Variants in TREH observed in about 807,000 individuals in gnomAD.
The protein encoded by TREH is trehalase.
A neutral mutation model predicts 80.5 loss-of-function variants in TREH; 69 were observed. That is an observed-to-expected ratio of 0.86 (90% CI 0.71 to 1.05). The LOEUF (loss-of-function observed/expected upper bound fraction) is 1.05, where lower values mean the gene tolerates loss of function less well. Ranked by LOEUF, TREH falls within the 50% of genes least tolerant of loss-of-function variation. The pLI is 0.00. For synonymous variants in TREH, 309 were observed against 293.5 expected, an observed-to-expected ratio of 1.05 and a Z score of -0.54; for missense variants, 716 against 718.8, an observed-to-expected ratio of 1.00 and a Z score of 0.04.
Position 118,672,269 on chromosome 11 carries a change from G to A in TREH, c.89+7270C>T, listed in dbSNP as rs555331505. 1.1e-3 allele frequency among the ~76,000 whole-genome samples: 166 copies of A among 152,096 alleles called. No individual in the cohort carries two copies. In the Middle Eastern group the frequency reaches 0.014, roughly 12 times the overall value. ...AAAAATTAGCCGGGTGTGGTGGCAC[G>A]CACTTGTAGTCCCAGGTACTGAGGA... On this transcript the variant is annotated intron_variant, in intron 1 of 14. Transcript: ENST00000264029.
At position 118,661,960 on chromosome 11, in the gene TREH, G is replaced by A. The variant is rs782513341; in HGVS notation, c.454C>T (p.Arg152Trp). 3.3e-5 allele frequency: 52 copies of A among 1,554,244 alleles called. No homozygotes were observed. The highest frequency in any genetic ancestry group is 3.3e-4 in the Middle Eastern group (2 of 6,016). Residue 152 changes from arginine (R) to tryptophan (W), a missense_variant, in exon 5 of 15, where the codon CGG becomes TGG. Arg to Trp is a moderately radical substitution (Grantham distance 101). Transcript: ENST00000264029. This position sits in a 1 kb window ranked among gnomAD's most constrained non-coding sequence, Gnocchi z 4.2. The stretch of plus-strand genomic sequence containing the variant: ...TGTTCTGAGTAGATGAGAGAGAACC[G>A]CTCAGGGTGGCTGAGAACCTCTGGC... ...MKPEVLSHPE[R>W]FSLIYSEHPF...
At position 118,660,846 on chromosome 11, in the gene TREH, C is replaced by T. The variant is rs782459761; in HGVS notation, c.907+20G>A. ...GCAGCTGCCCTGCCCCCAGCCCTCC[C>T]TCACCCTCCTGCTGCTCACCTTCTG... is the stretch of plus-strand genomic sequence containing the variant. On this transcript the variant is annotated intron_variant, in intron 9 of 14. Transcript: ENST00000264029. 32 of 1,561,178 alleles carry T rather than the reference C, an allele frequency of 2.0e-5. 2 individuals carry two copies. In the South Asian group the frequency reaches 3.5e-4, roughly 17 times the overall value.
At chr11:118,677,665 C>A (rs1191052215) in intron 1 of TREH, among the ~76,000 whole-genome samples, 1 of 152,136 alleles carries the variant, frequency 6.6e-6, no homozygotes, top group Admixed American at 6.5e-5. Context: ...GTGGAGGTTG[C>A]AGCGAGCCGA....
intron 1 of TREH, among the ~76,000 whole-genome samples, chr11:118,666,813 C>T (rs577101944): frequency 2.0e-4 from 30 of 152,300 alleles, no homozygotes; most frequent in Middle Eastern, 3.4e-3. Flanking sequence ...TGCACAAATG[C>T]AGATCACCCT....
chr11:118,667,961 T>G (rs1949393675), intron 1 of TREH, among the ~76,000 whole-genome samples: 1 of 152,030 alleles, frequency 6.6e-6, no homozygotes, highest in Non-Finnish European at 1.5e-5. Context: ...ACCTCCCTGG[T>G]TCAAGCAATT....
rs200074060 is a variant in TREH, at chr11:118,658,926, C to A, written c.1524G>T (p.Gln508His). The A allele has an allele frequency of 1.2e-3, 1,939 of 1,613,866 alleles. 3 individuals are homozygous for A. The highest frequency in any genetic ancestry group is 1.6e-3 in the Non-Finnish European group (1,875 of 1,179,880). ...WIRTNFDVYS[Q>H]KSAMYEKYDV... ...TCACCTTCTCATACATGGCTGACTT[C>A]TGCGAGTAGACATCAAAATTGGTTC... Residue 508 changes from glutamine (Q) to histidine (H), a missense_variant, in exon 13 of 15, where the codon CAG (glutamine) becomes CAT (histidine). Transcript: ENST00000264029.
chr11:118,674,426 T>G lies in TREH; in HGVS notation c.89+5113A>C, dbSNP rs964454799. Among the ~76,000 whole-genome samples the G allele has an allele frequency of 1.1e-4, 16 of 152,364 alleles. No homozygotes were observed. Among genetic ancestry groups the G allele is most frequent in the African/African-American group, 3.8e-4 (16 of 41,598 alleles). On this transcript the variant is annotated intron_variant, in intron 1 of 14. Coordinates refer to ENST00000264029, the MANE Select transcript of TREH (RefSeq NM_007180.3). This position sits in a 1 kb window ranked among gnomAD's most constrained non-coding sequence, Gnocchi z 4.4. ...TTCCATACCTTCTGTTTTACAATAC[T>G]AGGTAGTGGAAATATTTCCTGGTCA...
At position 118,662,921 on chromosome 11, in the gene TREH, G is replaced by T; in HGVS notation, c.383C>A (p.Ala128Glu). ...CTTCCAGAGCTGATGCAGCTGCCCT[G>T]CCCAGGCACGCAGTTTGGCATCTGA... ...KISDAKLRAW[A>E]GQLHQLWKKL... The change falls in exon 4 of 15, where the codon GCA becomes GAA. Residue 128 changes from alanine (A) to glutamate (E), a missense_variant. By Grantham distance (107) the Ala-to-Glu change is moderately radical. Coordinates refer to ENST00000264029, the MANE Select transcript of TREH (RefSeq NM_007180.3). 6.2e-7 allele frequency: 1 copy of T among 1,607,914 alleles called. No homozygotes were observed. The highest frequency in any genetic ancestry group is 1.1e-5 in the South Asian group (1 of 89,964).
At chr11:118,667,720 T>C (rs1184285129) in intron 1 of TREH, among the ~76,000 whole-genome samples, 3 of 152,172 alleles carry the variant, frequency 2.0e-5, no homozygotes, top group African/African-American at 7.2e-5. Context: ...ACTCAGGCCT[T>C]TAATACAAAA....
intron 1 of TREH, among the ~76,000 whole-genome samples, chr11:118,671,409 C>T (rs1347313888): frequency 6.6e-6 from 1 of 151,956 alleles, no homozygotes; most frequent in Admixed American, 6.6e-5. Flanking sequence ...AAGAATGCAT[C>T]GGAGTCCTTT....
rs782403674 is a variant in TREH, at chr11:118,663,051, C to T, written c.335+1G>A. The T allele has an allele frequency of 1.2e-6, 2 of 1,613,392 alleles. No homozygotes were observed. The highest frequency in any genetic ancestry group is 4.5e-5 in the East Asian group (2 of 44,880). On this transcript the variant is annotated splice_donor_variant, in intron 3 of 14. Coordinates refer to ENST00000264029, the MANE Select transcript of TREH (RefSeq NM_007180.3). LOFTEE classifies it high-confidence loss of function. ...CTCTTGTTCCCCTTCCAGAGTCATA[C>T]CTGTCTTTCCAGTCTGCAGGGGTCC...
At chr11:118,668,018 C>T (rs1011262251) in intron 1 of TREH, among the ~76,000 whole-genome samples, 1 of 152,114 alleles carries the variant, frequency 6.6e-6, no homozygotes, top group Admixed American at 6.5e-5. Context: ...GCGTGTACCA[C>T]CACACCCAGC....
intron 1 of TREH, among the ~76,000 whole-genome samples, chr11:118,669,375 T>C (rs930628866): frequency 6.6e-6 from 1 of 152,214 alleles, no homozygotes; most frequent in Non-Finnish European, 1.5e-5. Flanking sequence ...ATCAATGTAT[T>C]GAAGAGATAT....
rs1350797384 is a variant in TREH, at chr11:118,658,058, G to C, written c.*231C>G. ...GTGGAAGGCCGGTGTGGGGCTTGGC[G>C]CTGAGGCACTTGGGGATAGGTCTTC... On this transcript the variant is annotated 3_prime_UTR_variant, in exon 15 of 15. Coordinates refer to ENST00000264029, the MANE Select transcript of TREH (RefSeq NM_007180.3). 3 of 577,724 alleles carry C rather than the reference G, an allele frequency of 5.2e-6. No individual in the cohort carries two copies. The highest frequency in any genetic ancestry group is 2.8e-5 in the East Asian group (1 of 35,268). 35.8% of individuals were successfully genotyped at this position (577,724 alleles called of 1,614,324 possible). A position where few individuals can be genotyped will look rare whatever the true frequency, so the allele number is the denominator to read the frequency against.
chr11:118,676,940 ATGAAAGGAT>A (rs1325240988), intron 1 of TREH, among the ~76,000 whole-genome samples: 1 of 152,146 alleles, frequency 6.6e-6, no homozygotes, highest in Non-Finnish European at 1.5e-5. Flanking sequence ...TGGCTTATAC[ATGAAAGGAT>A]TGACTCAGCA....
At chr11:118,665,384 G>A (rs933763002) in intron 1 of TREH, among the ~76,000 whole-genome samples, 5 of 151,752 alleles carry the variant, frequency 3.3e-5, no homozygotes, top group East Asian at 2.0e-4. Context: ...TCACGCCTGT[G>A]ATCCCAGCAC....
At chr11:118,678,582 C>T (rs28452542) in intron 1 of TREH, among the ~76,000 whole-genome samples, 51,007 of 149,154 alleles carry the variant, frequency 0.34, 8,782 homozygotes, top group Admixed American at 0.47. Flanking sequence ...AGGCTGGTCT[C>T]GAACTCCTGA....
chr11:118,664,599 C>T (rs1308393563), intron 1 of TREH, among the ~76,000 whole-genome samples: 1 of 152,194 alleles, frequency 6.6e-6, no homozygotes, highest in Non-Finnish European at 1.5e-5. Context: ...CAATATGGAC[C>T]ACCAAGTTAC....
chr11:118,662,459 A>G (rs1555145171), intron 4 of TREH, among the ~76,000 whole-genome samples: 14 of 152,206 alleles, frequency 9.2e-5, no homozygotes. Context: ...GATGTGGATG[A>G]GCAAAGTAGC....
Sources: allele counts gnomAD v4.1 joint callset (sites outside exome capture counted in the v4.1 genomes callset), GRCh38; gene constraint gnomAD v4.1.1; non-coding constraint Gnocchi (gnomAD v3.1); transcripts MANE v1.5; gene names NCBI Gene and HGNC (gene_info 2026-07-23, HGNC 2026-07-21).